The following MAX variants were observed in gnomAD, a reference collection of about 807,000 sequenced individuals.
The protein encoded by MAX is protein max.
Under a neutral mutation model 22.3 loss-of-function variants are expected in MAX, and 3 were observed. The ratio of observed to expected loss-of-function variants is 0.13; its 90% CI spans 0.06 to 0.35. The LOEUF (loss-of-function observed/expected upper bound fraction) is 0.35. Among genes scored for constraint, MAX ranks in the 10% least tolerant of loss-of-function variants. The probability of loss-of-function intolerance (pLI) is 1.00; values close to 1 mark genes in which losing one functional copy is unlikely to be tolerated. For missense variants in MAX, 119 were observed against 209.4 expected, an observed-to-expected ratio of 0.57 and a Z score of 2.66; for synonymous variants, 72 against 77.7, an observed-to-expected ratio of 0.93 and a Z score of 0.39.
chr14:65,013,667 C>A (rs1249751211), intron 3 of MAX, among the ~76,000 whole-genome samples: 1 of 152,166 alleles, frequency 6.6e-6, no homozygotes, highest in Non-Finnish European at 1.5e-5. Flanking sequence ...CTTGCCTCAG[C>A]CTTCTGAGTG....
intron 3 of MAX, among the ~76,000 whole-genome samples, chr14:65,036,793 A>G (rs944844557): frequency 6.6e-6 from 1 of 151,956 alleles, no homozygotes; most frequent in Non-Finnish European, 1.5e-5. Context: ...GCCTGCCACC[A>G]TGCCTGACTA....
chr14:65,085,897 T>C (rs1436411043), intron 3 of MAX, among the ~76,000 whole-genome samples: 1 of 152,146 alleles, frequency 6.6e-6, no homozygotes, highest in Non-Finnish European at 1.5e-5. Flanking sequence ...GAGGGGTTGA[T>C]ATGGTTTGGC....
chr14:65,037,744 A>ATTTATTTATTT lies in MAX; in HGVS notation c.172-31471_172-31461dup, dbSNP rs2062239704. 5.1e-5 allele frequency among the ~76,000 whole-genome samples: 3 copies of ATTTATTTATTT among 58,998 alleles called. No homozygotes were observed. In the South Asian group the frequency reaches 1.4e-3, roughly 28 times the overall value. The allele number at this position is 58,998 out of a possible 152,430, so 38.7% of individuals were successfully genotyped here. The stretch of plus-strand genomic sequence containing the variant: ...CCAGCCTCTTATTTATTTATTTATT[A>ATTTATTTATTT]TTTATTTATTTATTTATTTATTTAT... On this transcript the variant is annotated intron_variant, in intron 3 of 3. Coordinates refer to the MAX transcript ENST00000341653.
At chr14:65,052,989 G>A (rs953411754) in intron 3 of MAX, among the ~76,000 whole-genome samples, 27 of 152,190 alleles carry the variant, frequency 1.8e-4, no homozygotes, top group African/African-American at 6.3e-4. Context: ...CACCATCCAC[G>A]TTAACAGGGT....
At chr14:65,086,060 T>TA (rs1028360835) in intron 3 of MAX, among the ~76,000 whole-genome samples, 1 of 152,192 alleles carries the variant, frequency 6.6e-6, no homozygotes, top group African/African-American at 2.4e-5. Context: ...CTGATGGTTT[T>TA]AAAAACAGCA....
rs1257130622 is a variant in MAX at position 65,078,968 on chromosome 14, GCATGGCCTGGCTTTAAACTCAGAGC to G, written c.172-957_172-933del. On this transcript the variant is annotated intron_variant, in intron 3 of 4. Coordinates refer to ENST00000358664, the MANE Select transcript of MAX (RefSeq NM_002382.5). The surrounding 1 kb of genome is among the most constrained non-coding windows in gnomAD (Gnocchi z 6.4). The stretch of plus-strand genomic sequence containing the variant: ...ATTCAAAATCACCAGCTGCACAGTA[GCATGGCCTGGCTTTAAACTCAGAGC>G]CATCCGACTCCTGAACTGTACTCCT... Among the ~76,000 whole-genome samples, 1 of 152,212 alleles carries G rather than the reference GCATGGCCTGGCTTTAAACTCAGAGC, an allele frequency of 6.6e-6. No individual in the cohort carries two copies. Among genetic ancestry groups the G allele is most frequent in the Non-Finnish European group, 1.5e-5 (1 of 68,040 alleles).
rs4586342 is a variant in MAX at position 65,007,157 on chromosome 14, G to C, written c.172-873C>G. ...TCAACATATCAATATAAGGCTGAAG[G>C]CAAACATCACCATCATAGAATAAGC... On this transcript the variant is annotated intron_variant, in intron 3 of 3. Coordinates refer to the MAX transcript ENST00000341653. The surrounding 1 kb of genome is among the most constrained non-coding windows in gnomAD (Gnocchi z 4.9). Among the ~76,000 whole-genome samples the C allele has an allele frequency of 0.56, 85,487 of 152,078 alleles. 24,655 individuals carry two copies. The highest frequency in any genetic ancestry group is 0.69 in the African/African-American group (28,601 of 41,486).
intron 3 of MAX, among the ~76,000 whole-genome samples, chr14:65,051,829 G>C (rs1049864575): frequency 4.9e-5 from 7 of 143,748 alleles, no homozygotes; most frequent in Non-Finnish European, 9.0e-5. Context: ...GAGTCTCGCT[G>C]TGTCGCCCAG....
In MAX at chr14:65,054,544, A is replaced by C. The variant is rs995587210; in HGVS notation, c.171+39164T>G. 3.8e-6 allele frequency: 6 copies of C among 1,596,004 alleles called. No individual in the cohort carries two copies. In the African/African-American group the frequency reaches 8.1e-5, roughly 21 times the overall value. ...TTTGTAGATGTGTGCGGAGCAGAGG[A>C]GCGCCTGCTCAGAGCTGCCTGTCCT... On this transcript the variant is annotated intron_variant, in intron 3 of 3. Transcript: ENST00000341653. This position sits in a 1 kb window ranked among gnomAD's most constrained non-coding sequence, Gnocchi z 4.4.
In MAX at chr14:65,032,334, A is replaced by G; in HGVS notation, c.172-26050T>C. 1 of 301,082 alleles carries G rather than the reference A, an allele frequency of 3.3e-6. No individual in the cohort carries two copies. Among genetic ancestry groups the G allele is most frequent in the East Asian group, 6.2e-5 (1 of 16,022 alleles). 18.7% of individuals were successfully genotyped at this position (301,082 alleles called of 1,614,324 possible). On this transcript the variant is annotated intron_variant, in intron 3 of 3. Transcript: ENST00000341653. This position sits in a 1 kb window ranked among gnomAD's most constrained non-coding sequence, Gnocchi z 5.0. ...GAATCCACTTTTGACATGAATTGAT[A>G]TGGCTGTTATTTCCTCTGATGTAGA... is the stretch of plus-strand genomic sequence containing the variant.
chr14:65,034,869 G>A (rs2062154855), intron 3 of MAX, among the ~76,000 whole-genome samples: 1 of 152,162 alleles, frequency 6.6e-6, no homozygotes, highest in African/African-American at 2.4e-5. Flanking sequence ...TGATATGATG[G>A]TGGAGGTGTC....
intron 3 of MAX, among the ~76,000 whole-genome samples, chr14:65,053,568 G>A (rs547399852): frequency 2.7e-5 from 4 of 150,184 alleles, no homozygotes; most frequent in African/African-American, 1.0e-4. Flanking sequence ...CAGCCTGCAT[G>A]CAACCCCCTC....
At chr14:65,006,402 T>C in intron 3 of MAX, 2 of 1,453,960 alleles carry the variant, frequency 1.4e-6, no homozygotes, top group Non-Finnish European at 1.9e-6. Context: ...TTATTCCTCT[T>C]GTCATGAGAT....
At chr14:65,085,454 T>C (rs535283222) in intron 3 of MAX, among the ~76,000 whole-genome samples, 2 of 152,342 alleles carry the variant, frequency 1.3e-5, no homozygotes, top group Non-Finnish European at 2.9e-5. Context: ...TCCTTCCGAA[T>C]CTCAAGATGC....
rs780227589 is a variant in MAX at position 65,044,110 on chromosome 14, C to T, written c.172-37826G>A. On this transcript the variant is annotated intron_variant, in intron 3 of 3. Coordinates refer to the MAX transcript ENST00000341653. This position sits in a 1 kb window ranked among gnomAD's most constrained non-coding sequence, Gnocchi z 5.5. Reference sequence around the variant, plus strand: ...CAGAGATCAGTGCTGGATGCCTCTACAGCGTTGGCTTAAATGCTTCACTCT... The same window carrying T: ...CAGAGATCAGTGCTGGATGCCTCTATAGCGTTGGCTTAAATGCTTCACTCT... Among the ~76,000 whole-genome samples, 1 of 152,182 alleles carries T rather than the reference C, an allele frequency of 6.6e-6. No individual in the cohort carries two copies.
chr14:65,057,518 G>C lies in MAX; in HGVS notation c.171+36190C>G, dbSNP rs560008712. On this transcript the variant is annotated intron_variant, in intron 3 of 3. Coordinates refer to the MAX transcript ENST00000341653. ...TTCAGGGGTTTGTTTTTGGGGGAGG[G>C]TAGGTGAGGATTAACTTAAGGAATC... Among the ~76,000 whole-genome samples, 6 of 152,268 alleles carry C rather than the reference G, an allele frequency of 3.9e-5. No homozygotes were observed. The South Asian group carries it at 1.2e-3, about 32-fold the overall frequency.
Position 65,093,098 on chromosome 14 carries a change from A to C in MAX, c.171+610T>G, listed in dbSNP as rs1364648311. ...AGCTGGTGCCTAGCCCTCCAGGGAA[A>C]ACACTAGGTTCCAGAAGGGAGTGGG... On this transcript the variant is annotated intron_variant, in intron 3 of 4. Transcript: ENST00000358664. The surrounding 1 kb of genome is among the most constrained non-coding windows in gnomAD (Gnocchi z 4.4). Among the ~76,000 whole-genome samples the C allele has an allele frequency of 1.3e-5, 2 of 152,240 alleles. No individual in the cohort carries two copies. The highest frequency in any genetic ancestry group is 4.8e-5 in the African/African-American group (2 of 41,458).
At chr14:65,020,613 T>C (rs2061868216) in intron 3 of MAX, among the ~76,000 whole-genome samples, 2 of 151,862 alleles carry the variant, frequency 1.3e-5, no homozygotes, top group Non-Finnish European at 2.9e-5. Flanking sequence ...TTTGTATTTT[T>C]AGTAGAGATT....
intron 3 of MAX, among the ~76,000 whole-genome samples, chr14:65,060,216 ACAAT>A (rs2062830941): frequency 6.7e-6 from 1 of 148,996 alleles, no homozygotes; most frequent in African/African-American, 2.4e-5. Context: ...AAAATGAAAA[ACAAT>A]CATATCACTA....
Sources: allele counts gnomAD v4.1 joint callset (sites outside exome capture counted in the v4.1 genomes callset), GRCh38; gene constraint gnomAD v4.1.1; non-coding constraint Gnocchi (gnomAD v3.1); transcripts MANE v1.5; gene names NCBI Gene and HGNC (gene_info 2026-07-23, HGNC 2026-07-21).